The following SORBS2 variants were observed in gnomAD, a reference collection of about 807,000 sequenced individuals.
SORBS2 encodes the protein sorbin and SH3 domain-containing protein 2.
A neutral mutation model predicts 97.7 loss-of-function variants in SORBS2; 46 were observed. That is an observed-to-expected ratio of 0.47 (90% confidence interval 0.37 to 0.60). SORBS2 has a LOEUF of 0.60. Among genes scored for constraint, SORBS2 ranks in the 20% least tolerant of loss-of-function variants. The probability of loss-of-function intolerance (pLI) is 0.00; values close to 1 mark genes in which losing one functional copy is unlikely to be tolerated. For missense variants in SORBS2, 1,316 were observed against 1,282.3 expected, an observed-to-expected ratio of 1.03 and a Z score of -0.40; for synonymous variants, 476 against 473.4, an observed-to-expected ratio of 1.01 and a Z score of -0.07.
At chr4:185,770,049 T>C (rs2098960875) in intron 2 of SORBS2, among the ~76,000 whole-genome samples, 1 of 151,768 alleles carries the variant, frequency 6.6e-6, no homozygotes, top group South Asian at 2.1e-4. Flanking sequence ...AAGCGGGTCC[T>C]CTGAGAAATG....
At chr4:185,760,687 CA>C in intron 2 of SORBS2, among the ~76,000 whole-genome samples, 1 of 152,324 alleles carries the variant, frequency 6.6e-6, no homozygotes, top group East Asian at 1.9e-4. Context: ...AGATACACCA[CA>C]AAAAAGCTCG....
intron 1 of SORBS2, among the ~76,000 whole-genome samples, chr4:185,926,107 C>T (rs1363602363): frequency 6.6e-6 from 1 of 152,228 alleles, no homozygotes; most frequent in African/African-American, 2.4e-5. Context: ...GCAAGGACTG[C>T]GCTATAACCG....
At position 185,624,546 on chromosome 4, in the gene SORBS2, G is replaced by A. The variant is rs757987317; in HGVS notation, c.635-52C>T. 8 of 1,527,476 alleles carry A rather than the reference G, an allele frequency of 5.2e-6. No homozygotes were observed. In the East Asian group the frequency reaches 9.1e-5, roughly 17 times the overall value. 94.6% of individuals were successfully genotyped at this position (1,527,476 alleles called of 1,614,324 possible). Reference sequence around the variant, plus strand: ...AGAGAGACATTTGGAGAAGTTAAAAGGTTCACAAAGAGAGGAGAGCATGTC... The same window carrying A: ...AGAGAGACATTTGGAGAAGTTAAAAAGTTCACAAAGAGAGGAGAGCATGTC... On this transcript the variant is annotated intron_variant, in intron 6 of 14. Transcript: ENST00000418609.
rs1470277851 is a variant in SORBS2, at chr4:185,611,998, A to G, written c.2596-18T>C. On this transcript the variant is annotated intron_variant, in intron 11 of 14. Transcript: ENST00000418609. ...CTATCTCCCTGTTATGAATATGAGA[A>G]AAATGCATTAGAAACAGAGATAGAA... The G allele has an allele frequency of 6.4e-6, 9 of 1,402,524 alleles. No individual in the cohort carries two copies. In the African/African-American group the frequency reaches 1.3e-4, roughly 20 times the overall value. The allele number at this position is 1,402,524 out of a possible 1,614,324, so 86.9% of individuals were successfully genotyped here.
At chr4:185,797,442 A>G (rs909459091) in intron 1 of SORBS2, among the ~76,000 whole-genome samples, 1 of 152,242 alleles carries the variant, frequency 6.6e-6, no homozygotes, top group African/African-American at 2.4e-5. Flanking sequence ...AGAAGCTCCA[A>G]TGGTTCTCTC....
intron 1 of SORBS2, among the ~76,000 whole-genome samples, chr4:185,855,711 G>A (rs1292529314): frequency 6.6e-6 from 1 of 152,196 alleles, no homozygotes; most frequent in African/African-American, 2.4e-5. Context: ...ACCCTCATAA[G>A]ATACTGGGAC....
intron 12 of SORBS2, among the ~76,000 whole-genome samples, chr4:185,602,889 G>GT (rs1364978417): frequency 1.3e-5 from 2 of 152,014 alleles, no homozygotes; most frequent in Admixed American, 6.6e-5. Flanking sequence ...GATTTATAAG[G>GT]TTTAAAAAAA....
intron 2 of SORBS2, among the ~76,000 whole-genome samples, chr4:185,716,307 T>G (rs544372747): frequency 6.6e-6 from 1 of 152,164 alleles, no homozygotes; most frequent in Non-Finnish European, 1.5e-5. Context: ...GAAAGTGACT[T>G]ATCCTCTCTC....
intron 1 of SORBS2, among the ~76,000 whole-genome samples, chr4:185,806,526 C>A (rs1396137804): frequency 7.2e-6 from 1 of 138,432 alleles, no homozygotes; most frequent in Admixed American, 7.6e-5. Context: ...GGCGGGATCT[C>A]GGCTCACTGC....
exon 6 of SORBS2, chr4:185,626,838 C>T: frequency 6.2e-7 from 1 of 1,614,130 alleles, no homozygotes; most frequent in Non-Finnish European, 8.5e-7. Context: ...TCACCTTTTG[C>T]TCTTGATGGG....
At chr4:185,809,899 C>G (rs1325654166) in intron 1 of SORBS2, among the ~76,000 whole-genome samples, 1 of 152,170 alleles carries the variant, frequency 6.6e-6, no homozygotes, top group Non-Finnish European at 1.5e-5. Context: ...AATAGGAAAT[C>G]AGGTGCTTGC....
chr4:185,941,989 G>A (rs2019086), intron 1 of SORBS2, among the ~76,000 whole-genome samples: 69,323 of 151,712 alleles, frequency 0.46, 16,546 homozygotes, highest in East Asian at 0.63. Context: ...GGTTGTGCAC[G>A]CCTGTAATTC....
At chr4:185,646,884 TA>T (rs1285084953) in intron 3 of SORBS2, 102 bp from the exon 13 acceptor site, 10 of 687,220 alleles carry the variant, frequency 1.5e-5, no homozygotes, top group Middle Eastern at 2.9e-4. Flanking sequence ...AGCATAGTTT[TA>T]AAAAAAATCT....
At chr4:185,841,427 T>C (rs1330445412) in intron 1 of SORBS2, among the ~76,000 whole-genome samples, 5 of 152,014 alleles carry the variant, frequency 3.3e-5, no homozygotes, top group Non-Finnish European at 7.4e-5. Context: ...CTGGGCTGGA[T>C]TGTCAGCGTT....
chr4:185,940,366 T>G (rs2149997069), intron 1 of SORBS2, among the ~76,000 whole-genome samples: 1 of 152,264 alleles, frequency 6.6e-6, no homozygotes, highest in South Asian at 2.1e-4. Flanking sequence ...CTTTTCCCTT[T>G]TTACCCTTAT....
upstream of SORBS2, among the ~76,000 whole-genome samples, chr4:185,659,711 G>A (rs745733837): frequency 7.9e-5 from 12 of 152,222 alleles, no homozygotes; most frequent in East Asian, 7.7e-4. Context: ...GTGAGCCACC[G>A]CGCCCGGCTA....
intron 1 of SORBS2, among the ~76,000 whole-genome samples, chr4:185,926,513 C>T (rs1554053352): frequency 6.9e-6 from 1 of 144,446 alleles, no homozygotes; most frequent in Admixed American, 7.1e-5. Flanking sequence ...GAAAGCGTTT[C>T]GTTTTGGACG....
At chr4:185,872,919 GGA>G (rs1359619460) in intron 1 of SORBS2, among the ~76,000 whole-genome samples, 1 of 152,194 alleles carries the variant, frequency 6.6e-6, no homozygotes, top group Non-Finnish European at 1.5e-5. Context: ...ACTAGAGGTG[GGA>G]GTCGCTGGGA....
chr4:185,593,653 T>A lies in SORBS2; in HGVS notation c.2846+233A>T, dbSNP rs188056144. The A allele has an allele frequency of 2.4e-3, 1,224 of 500,162 alleles. 3 individuals are homozygous for A. The highest frequency in any genetic ancestry group is 4.0e-3 in the Admixed American group (108 of 27,184). 31.0% of individuals were successfully genotyped at this position (500,162 alleles called of 1,614,324 possible). On this transcript the variant is annotated intron_variant, in intron 13 of 14. Transcript: ENST00000418609. ...TAGGAATCACTGAAGCATTGGGAAG[T>A]TTTCCTAGTGTGTCAATTAAAATCT...
Sources: gnomAD v4.1 joint callset for allele counts (sites outside exome capture counted in the v4.1 genomes callset) on GRCh38, gnomAD v4.1.1 for gene constraint, MANE v1.5 for transcripts, NCBI Gene and HGNC (gene_info 2026-07-23, HGNC 2026-07-21) for gene names.